The following IMMP2L variants were observed in gnomAD, a reference collection of about 807,000 sequenced individuals.
The protein encoded by IMMP2L is inner mitochondrial membrane peptidase subunit 2, also known as mitochondrial inner membrane protease subunit 2.
Under a neutral mutation model 19.3 loss-of-function variants are expected in IMMP2L, and 18 were observed. That is an observed-to-expected ratio of 0.93 (90% confidence interval 0.64 to 1.38). The LOEUF (loss-of-function observed/expected upper bound fraction) is 1.38, where lower values mean the gene tolerates loss of function less well. Among genes scored for constraint, IMMP2L ranks in the 40% most tolerant of loss-of-function variants. The pLI, the probability that IMMP2L is intolerant of heterozygous loss-of-function variation, is 0.00. For missense variants in IMMP2L, 233 were observed against 218.2 expected, an observed-to-expected ratio of 1.07 and a Z score of -0.43; for synonymous variants, 76 against 73.0, an observed-to-expected ratio of 1.04 and a Z score of -0.21.
At chr7:110,861,609 T>A (rs1415775948) in intron 5 of IMMP2L, among the ~76,000 whole-genome samples, 1 of 151,802 alleles carries the variant, frequency 6.6e-6, no homozygotes, top group Admixed American at 6.6e-5. Flanking sequence ...ACACCAAAAC[T>A]TTGTGAAGCC....
intron 3 of IMMP2L, among the ~76,000 whole-genome samples, chr7:111,171,116 TAA>T (rs1806397275): frequency 6.6e-6 from 1 of 151,490 alleles, no homozygotes; most frequent in African/African-American, 2.4e-5. Flanking sequence ...TGTATAAGTA[TAA>T]AGTGATGAAG....
chr7:111,070,658 A>C (rs1034114982), intron 3 of IMMP2L, among the ~76,000 whole-genome samples: 7 of 152,200 alleles, frequency 4.6e-5, no homozygotes, highest in Non-Finnish European at 8.8e-5. Context: ...AGTTGAAATC[A>C]CTAATACACT....
At chr7:111,272,442 GTA>G (rs1209452729) in intron 3 of IMMP2L, among the ~76,000 whole-genome samples, 5 of 152,210 alleles carry the variant, frequency 3.3e-5, no homozygotes, top group African/African-American at 7.2e-5. Flanking sequence ...TGCTACTTTA[GTA>G]TGATTAAACA....
At chr7:111,463,816 C>A (rs558235946) in intron 3 of IMMP2L, among the ~76,000 whole-genome samples, 1 of 152,106 alleles carries the variant, frequency 6.6e-6, no homozygotes, top group African/African-American at 2.4e-5. Context: ...TTGAATGTAC[C>A]GTCTGTTTCT....
chr7:110,714,825 C>T (rs544700494), intron 5 of IMMP2L, among the ~76,000 whole-genome samples: 2 of 152,218 alleles, frequency 1.3e-5, no homozygotes, highest in Admixed American at 1.3e-4. Context: ...TCGAACTCGA[C>T]CTTAAGTGAT....
At chr7:111,154,873 T>A (rs935811523) in intron 3 of IMMP2L, among the ~76,000 whole-genome samples, 1 of 152,120 alleles carries the variant, frequency 6.6e-6, no homozygotes, top group African/African-American at 2.4e-5. Flanking sequence ...TCCTCTTGCA[T>A]CAGCCTCCCA....
rs1563025449 is a variant in IMMP2L, at chr7:110,852,245, T to TGG, written c.408+34347_408+34348insCC. Among the ~76,000 whole-genome samples, 94 of 126,796 alleles carry TGG rather than the reference T, an allele frequency of 7.4e-4. 1 individual carries two copies. In the East Asian group the frequency reaches 0.021, roughly 28 times the overall value. 83.2% of individuals were successfully genotyped at this position (126,796 alleles called of 152,430 possible). ...GGATGGATGGATGGATGGATGGATG[T>TGG]ATACACATATATAGCCATAAACATC... On this transcript the variant is annotated intron_variant, in intron 5 of 5. Transcript: ENST00000405709.
chr7:110,842,497 C>G (rs79931337), intron 5 of IMMP2L, among the ~76,000 whole-genome samples: 1,920 of 152,268 alleles, frequency 0.013, 13 homozygotes, highest in Non-Finnish European at 0.022. Flanking sequence ...TGCTCTTTGC[C>G]AAAGGGCAAA....
intron 3 of IMMP2L, among the ~76,000 whole-genome samples, chr7:111,329,935 G>A (rs1013400913): frequency 6.6e-6 from 1 of 151,752 alleles, no homozygotes; most frequent in Non-Finnish European, 1.5e-5. Context: ...CAATTAAGGT[G>A]ATAAAAAATT....
chr7:111,124,373 C>T, intron 3 of IMMP2L: 1 of 1,613,628 alleles, frequency 6.2e-7, no homozygotes, highest in Non-Finnish European at 8.5e-7. Context: ...GATATTCAGG[C>T]CAATTCAGTT....
intron 4 of IMMP2L, among the ~76,000 whole-genome samples, chr7:110,933,201 G>C (rs1815704641): frequency 1.3e-5 from 2 of 152,262 alleles, no homozygotes; most frequent in South Asian, 4.2e-4. Flanking sequence ...GCTGGACTGA[G>C]GTGAACAAGG....
chr7:111,087,725 C>CA (rs530974711), intron 3 of IMMP2L, among the ~76,000 whole-genome samples: 12 of 151,538 alleles, frequency 7.9e-5, no homozygotes, highest in Admixed American at 2.0e-4. Context: ...ATTATAATAC[C>CA]AAAAAAATGG....
rs185034310 is a variant in IMMP2L, at chr7:111,028,321, A to T, written c.240-64756T>A. Among the ~76,000 whole-genome samples the T allele has an allele frequency of 1.3e-4, 20 of 152,236 alleles. 1 individual carries two copies. The highest frequency in any genetic ancestry group is 1.3e-3 in the Admixed American group (20 of 15,274). On this transcript the variant is annotated intron_variant, in intron 3 of 5. Transcript: ENST00000405709. Reference sequence around the variant, plus strand: ...TCATACTGAGCACAGGGTCAGTGATAAACAGCAAATACTGTATATTGTTTG... The same window carrying T: ...TCATACTGAGCACAGGGTCAGTGATTAACAGCAAATACTGTATATTGTTTG...
chr7:110,745,629 G>A (rs1797284278), intron 5 of IMMP2L, among the ~76,000 whole-genome samples: 1 of 152,150 alleles, frequency 6.6e-6, no homozygotes, highest in East Asian at 1.9e-4. Flanking sequence ...TTTCAAACCA[G>A]AATTTCATAT....
chr7:110,841,190 G>A (rs1455302639), intron 5 of IMMP2L, among the ~76,000 whole-genome samples: 4 of 151,682 alleles, frequency 2.6e-5, no homozygotes, highest in Non-Finnish European at 5.9e-5. Flanking sequence ...TACATTTAAG[G>A]TGCACAACAT....
chr7:111,103,236 T>C (rs214887), intron 3 of IMMP2L, among the ~76,000 whole-genome samples: 8,681 of 151,672 alleles, frequency 0.057, 479 homozygotes, highest in African/African-American at 0.14. Context: ...TCTGCAGATT[T>C]ATGGTTAATA....
chr7:111,315,631 T>C (rs1823977968), intron 3 of IMMP2L, among the ~76,000 whole-genome samples: 1 of 151,714 alleles, frequency 6.6e-6, no homozygotes, highest in South Asian at 2.1e-4. Context: ...AAACCAATCA[T>C]AGTAATACCT....
At position 110,728,493 on chromosome 7, in the gene IMMP2L, C is replaced by T. The variant is rs950588078; in HGVS notation, c.409-64772G>A. The stretch of plus-strand genomic sequence containing the variant: ...CAGCCTGGGCAACAGAGTGAGACTC[C>T]GTCTCAAAAAAATAAATAAAATAAA... On this transcript the variant is annotated intron_variant, in intron 5 of 5. Transcript: ENST00000405709. This position sits in a 1 kb window ranked among gnomAD's most constrained non-coding sequence, Gnocchi z 4.6. 8.6e-5 allele frequency among the ~76,000 whole-genome samples: 13 copies of T among 151,730 alleles called. No homozygotes were observed. The highest frequency in any genetic ancestry group is 2.6e-4 in the Admixed American group (4 of 15,242).
chr7:111,147,246 T>C (rs1436651102), intron 3 of IMMP2L, among the ~76,000 whole-genome samples: 1 of 152,138 alleles, frequency 6.6e-6, no homozygotes, highest in Non-Finnish European at 1.5e-5. Flanking sequence ...GTTGTTGTTT[T>C]AAATTCAGTC....
Sources: gnomAD v4.1 joint callset for allele counts (sites outside exome capture counted in the v4.1 genomes callset) on GRCh38, gnomAD v4.1.1 for gene constraint, Gnocchi (gnomAD v3.1) non-coding constraint, MANE v1.5 for transcripts, NCBI Gene and HGNC (gene_info 2026-07-23, HGNC 2026-07-21) for gene names.